PCDH9: variants seen among roughly 807,000 people sequenced by gnomAD.
The protein encoded by PCDH9 is protocadherin 9.
A neutral mutation model predicts 70.6 loss-of-function variants in PCDH9; 24 were observed. The ratio of observed to expected loss-of-function variants is 0.34; its 90% CI spans 0.25 to 0.48. The LOEUF (loss-of-function observed/expected upper bound fraction) is 0.48. Ranked by LOEUF, PCDH9 falls within the 20% of genes least tolerant of loss-of-function variation. PCDH9 has a pLI of 0.99. For missense variants in PCDH9, 1,281 were observed against 1,503.6 expected, an observed-to-expected ratio of 0.85 and a Z score of 2.45; for synonymous variants, 562 against 558.5, an observed-to-expected ratio of 1.01 and a Z score of -0.09.
intron 3 of PCDH9, among the ~76,000 whole-genome samples, chr13:66,854,392 TAAAG>T (rs2081361745): frequency 6.6e-6 from 1 of 152,180 alleles, no homozygotes; most frequent in African/African-American, 2.4e-5. Flanking sequence ...TGGTTCTGAA[TAAAG>T]AATCTTCATT....
chr13:67,137,087 C>T (rs2087250419), intron 2 of PCDH9, among the ~76,000 whole-genome samples: 1 of 151,846 alleles, frequency 6.6e-6, no homozygotes, highest in Non-Finnish European at 1.5e-5. Context: ...CAAACCTGCA[C>T]ATTGTGCACA....
chr13:66,887,368 G>A (rs146196198), intron 3 of PCDH9, among the ~76,000 whole-genome samples: 1 of 151,740 alleles, frequency 6.6e-6, no homozygotes, highest in Non-Finnish European at 1.5e-5. Flanking sequence ...ACGGAGACGT[G>A]CATTCTGCCC....
At chr13:66,314,257 A>G (rs937931312) in intron 4 of PCDH9, among the ~76,000 whole-genome samples, 2 of 152,114 alleles carry the variant, frequency 1.3e-5, no homozygotes, top group African/African-American at 4.8e-5. Flanking sequence ...TAAACTAATA[A>G]CGTTTTCAGG....
chr13:66,691,009 T>C (rs968242491), intron 3 of PCDH9, among the ~76,000 whole-genome samples: 2 of 152,138 alleles, frequency 1.3e-5, no homozygotes, highest in Non-Finnish European at 2.9e-5. Context: ...TAAACGTAAA[T>C]CATTTTATTT....
intron 4 of PCDH9, among the ~76,000 whole-genome samples, chr13:66,609,244 T>G (rs1279992599): frequency 6.6e-6 from 1 of 152,146 alleles, no homozygotes; most frequent in Non-Finnish European, 1.5e-5. Context: ...AAATGACATA[T>G]AGAAAATAAA....
At chr13:66,924,123 C>G (rs375157165) in intron 2 of PCDH9, among the ~76,000 whole-genome samples, 1 of 151,686 alleles carries the variant, frequency 6.6e-6, no homozygotes, top group Non-Finnish European at 1.5e-5. Flanking sequence ...TTTCTCAAAT[C>G]CTGTAACCTA....
intron 4 of PCDH9, among the ~76,000 whole-genome samples, chr13:66,597,265 CA>C (rs533449638): frequency 1.1e-3 from 162 of 151,612 alleles, no homozygotes; most frequent in African/African-American, 3.5e-3. Context: ...GAAAAAAATC[CA>C]ATAATTAATA....
chr13:66,322,309 G>T (rs1955770255), intron 4 of PCDH9, among the ~76,000 whole-genome samples: 1 of 151,918 alleles, frequency 6.6e-6, no homozygotes, highest in African/African-American at 2.4e-5. Flanking sequence ...GATCACCGTG[G>T]TTGGGATGAT....
chr13:67,057,505 T>C (rs1364902509), intron 2 of PCDH9, among the ~76,000 whole-genome samples: 1 of 152,066 alleles, frequency 6.6e-6, no homozygotes, highest in East Asian at 1.9e-4. Context: ...GCAAACAGAT[T>C]ATAGGCTTTA....
intron 3 of PCDH9, among the ~76,000 whole-genome samples, chr13:66,870,284 C>G (rs1165346797): frequency 6.6e-6 from 1 of 152,082 alleles, no homozygotes; most frequent in South Asian, 2.1e-4. Context: ...TGATCTCTAT[C>G]TCTGTTTTGG....
chr13:66,772,763 A>T (rs1214263898), intron 3 of PCDH9, among the ~76,000 whole-genome samples: 1 of 152,124 alleles, frequency 6.6e-6, no homozygotes, highest in Non-Finnish European at 1.5e-5. Context: ...GTTTATTCTC[A>T]AATATTAAAT....
At chr13:66,370,634 T>C (rs1035098683) in intron 4 of PCDH9, among the ~76,000 whole-genome samples, 9 of 151,594 alleles carry the variant, frequency 5.9e-5, no homozygotes, top group Non-Finnish European at 7.4e-5. Context: ...TATCAGCCTC[T>C]TGAGTAGCTG....
chr13:66,761,010 C>T (rs1406061298), intron 3 of PCDH9, among the ~76,000 whole-genome samples: 1 of 152,118 alleles, frequency 6.6e-6, no homozygotes, highest in East Asian at 1.9e-4. Context: ...ACAACGTGTG[C>T]CCAGCAGGAC....
intron 4 of PCDH9, among the ~76,000 whole-genome samples, chr13:66,380,458 T>C (rs1047189317): frequency 2.7e-5 from 4 of 150,614 alleles, no homozygotes; most frequent in South Asian, 2.1e-4. Flanking sequence ...CGAAACTCCA[T>C]GGTGAATTGA....
chr13:66,449,692 G>T (rs1370531071), intron 4 of PCDH9, among the ~76,000 whole-genome samples: 2 of 152,058 alleles, frequency 1.3e-5, no homozygotes, highest in Non-Finnish European at 2.9e-5. Context: ...TCAAATAACT[G>T]AAATAGTCAA....
chr13:66,438,321 T>C (rs961947564), intron 4 of PCDH9, among the ~76,000 whole-genome samples: 5 of 152,198 alleles, frequency 3.3e-5, no homozygotes, highest in African/African-American at 9.6e-5. Flanking sequence ...TTTCTTTTTA[T>C]TTAATAAAAG....
chr13:67,137,509 T>A (rs939247146), intron 2 of PCDH9, among the ~76,000 whole-genome samples: 6 of 152,146 alleles, frequency 3.9e-5, no homozygotes, highest in African/African-American at 1.4e-4. Context: ...AAAGAACACT[T>A]ACCAAAATAG....
chr13:66,872,031 C>T (rs1299648502), intron 3 of PCDH9, among the ~76,000 whole-genome samples: 1 of 119,058 alleles, frequency 8.4e-6, no homozygotes, highest in Non-Finnish European at 1.8e-5. Context: ...ATTATTTTAA[C>T]ATGTCGTCTA....
intron 3 of PCDH9, among the ~76,000 whole-genome samples, chr13:66,640,002 C>A (rs534208641): frequency 3.9e-5 from 6 of 152,086 alleles, no homozygotes; most frequent in African/African-American, 1.4e-4. Flanking sequence ...AGGAAAAAAC[C>A]CAGCAAGAGT....
Sources: allele counts gnomAD v4.1 joint callset (sites outside exome capture counted in the v4.1 genomes callset), GRCh38; gene constraint gnomAD v4.1.1; transcripts MANE v1.5; gene names NCBI Gene and HGNC (gene_info 2026-07-23, HGNC 2026-07-21).